Variants in GPR63 observed in about 807,000 individuals in gnomAD.
GPR63 encodes probable G protein-coupled receptor 63.
Under a neutral mutation model 23.1 loss-of-function variants are expected in GPR63, and 12 were observed. The observed-to-expected ratio is 0.52, with a 90% CI of 0.33 to 0.84. GPR63 has a LOEUF of 0.84. GPR63 is among the 40% of genes least tolerant of loss of function. The probability of loss-of-function intolerance (pLI) is 0.02; values close to 1 mark genes in which losing one functional copy is unlikely to be tolerated. For missense variants in GPR63, 472 were observed against 515.6 expected (o/e 0.92, Z 0.82); for synonymous variants, 172 against 191.1 (o/e 0.90, Z 0.82).
At chr6:96,824,621 C>A (rs1774392676) in intron 1 of GPR63, among the ~76,000 whole-genome samples, 2 of 145,756 alleles carry the variant, frequency 1.4e-5, no homozygotes, top group African/African-American at 2.6e-5. Flanking sequence ...TTAAAACCTG[C>A]ACTATTCATT....
chr6:96,808,797 T>A (rs1773966434), intron 1 of GPR63, among the ~76,000 whole-genome samples: 1 of 152,132 alleles, frequency 6.6e-6, no homozygotes, highest in Non-Finnish European at 1.5e-5. Context: ...TATGATACTT[T>A]AAGTTTTAGG....
intron 1 of GPR63, among the ~76,000 whole-genome samples, chr6:96,832,601 A>G (rs1239703298): frequency 6.6e-6 from 1 of 151,946 alleles, no homozygotes; most frequent in African/African-American, 2.4e-5. Flanking sequence ...AACAAGAAAA[A>G]CTTCTAAAGT....
At position 96,798,763 on chromosome 6, in the gene GPR63, G is replaced by A; in HGVS notation, c.969C>T (p.Phe323=). The A allele has an allele frequency of 1.2e-6, 2 of 1,614,186 alleles. No homozygotes were observed. Among genetic ancestry groups the A allele is most frequent in the Non-Finnish European group, 1.7e-6 (2 of 1,180,040 alleles). Residue 323 remains phenylalanine (F), a synonymous_variant, in exon 2 of 2, where the codon TTC becomes TTT. Transcript: ENST00000229955. ...FTTILILFAV[F]IVCWAPFTTY... ...TGGTGAATGGGGCCCAGCAGACAAT[G>A]AAGACAGCAAAGAGAATCAAAATAG...
intron 1 of GPR63, among the ~76,000 whole-genome samples, chr6:96,824,282 T>C (rs1774382789): frequency 6.6e-6 from 1 of 152,112 alleles, no homozygotes; most frequent in Non-Finnish European, 1.5e-5. Context: ...AAAAGTCTTC[T>C]AAAATCAAAT....
rs1484928464 is a variant in GPR63, at chr6:96,798,679, C to T, written c.1053G>A (p.Glu351=). ...AGAGCCACAGTAGCCAGGTGCTAAT[C>T]TCAAAAAAGTTGTGCTGATAGTAAA... The part of the protein sequence containing the change: ...KHFYYQHNFF[E]ISTWLLWLCY... The change falls in exon 2 of 2, where the codon GAG becomes GAA. Residue 351 remains glutamate (E), a synonymous_variant. Coordinates refer to ENST00000229955, the MANE Select transcript of GPR63 (RefSeq NM_030784.4). 6.2e-7 allele frequency: 1 copy of T among 1,614,154 alleles called. No homozygotes were observed. Among genetic ancestry groups the T allele is most frequent in the South Asian group, 1.1e-5 (1 of 91,082 alleles).
chr6:96,829,522 A>T (rs1774526451), intron 1 of GPR63, among the ~76,000 whole-genome samples: 1 of 151,536 alleles, frequency 6.6e-6, no homozygotes, highest in African/African-American at 2.4e-5. Context: ...GTGAGACTTC[A>T]TCTCTACAAA....
chr6:96,829,060 ATC>A (rs1328751645), intron 1 of GPR63, among the ~76,000 whole-genome samples: 3 of 152,234 alleles, frequency 2.0e-5, no homozygotes, highest in African/African-American at 7.2e-5. Context: ...CATAATTATA[ATC>A]TCTCAGTAAT....
In GPR63 at chr6:96,799,894, C is replaced by A. The variant is rs1773718109; in HGVS notation, c.-150-13G>T. On this transcript the variant is annotated splice_polypyrimidine_tract_variant and intron_variant, in intron 1 of 1. Transcript: ENST00000229955. ...AGAGTCCTTTTGCCTGAAAATAAAA[C>A]CAAAACACAAAAAGTAAATGAGAAA... 4.5e-6 allele frequency: 3 copies of A among 673,072 alleles called. No individual in the cohort carries two copies. The highest frequency in any genetic ancestry group is 2.8e-5 in the Admixed American group (1 of 35,196). 41.7% of individuals were successfully genotyped at this position (673,072 alleles called of 1,614,324 possible).
At chr6:96,831,536 T>A (rs1002448977) in intron 1 of GPR63, among the ~76,000 whole-genome samples, 1 of 152,050 alleles carries the variant, frequency 6.6e-6, no homozygotes, top group African/African-American at 2.4e-5. Context: ...ATGAAAAATA[T>A]CAATGCCCTT....
At chr6:96,802,826 AAC>A (rs1221599271) in intron 1 of GPR63, among the ~76,000 whole-genome samples, 1 of 152,148 alleles carries the variant, frequency 6.6e-6, no homozygotes, top group African/African-American at 2.4e-5. Context: ...AAGAAACCAG[AAC>A]AGAGAACAAT....
intron 1 of GPR63, among the ~76,000 whole-genome samples, chr6:96,809,632 T>A (rs1582256685): frequency 6.6e-6 from 1 of 152,218 alleles, no homozygotes; most frequent in East Asian, 1.9e-4. Context: ...AAATCCATAG[T>A]AACCCAGTAC....
chr6:96,821,274 C>T (rs1774306363), intron 1 of GPR63, among the ~76,000 whole-genome samples: 1 of 152,212 alleles, frequency 6.6e-6, no homozygotes, highest in Admixed American at 6.5e-5. Context: ...AAATCACATC[C>T]TCTACAACAC....
intron 1 of GPR63, among the ~76,000 whole-genome samples, chr6:96,820,161 T>A (rs1774277453): frequency 6.6e-6 from 1 of 152,064 alleles, no homozygotes; most frequent in Admixed American, 6.6e-5. Flanking sequence ...ATATTTGCTT[T>A]CAATGATCAT....
At chr6:96,821,969 A>C (rs553500535) in intron 1 of GPR63, among the ~76,000 whole-genome samples, 1 of 152,226 alleles carries the variant, frequency 6.6e-6, no homozygotes, top group African/African-American at 2.4e-5. Context: ...AGAACGTAGA[A>C]TCAGAAGACC....
chr6:96,830,342 A>G (rs1437357973), intron 1 of GPR63, among the ~76,000 whole-genome samples: 1 of 152,226 alleles, frequency 6.6e-6, no homozygotes, highest in Admixed American at 6.5e-5. Flanking sequence ...ATAAACAGTG[A>G]ACATCCACAA....
chr6:96,824,584 A>G (rs1355277759), intron 1 of GPR63, among the ~76,000 whole-genome samples: 1 of 145,994 alleles, frequency 6.8e-6, no homozygotes, highest in Non-Finnish European at 1.5e-5. Context: ...CACCAAAAAT[A>G]CGCCTTAGCA....
chr6:96,807,543 A>G (rs950613061), intron 1 of GPR63, among the ~76,000 whole-genome samples: 5 of 152,232 alleles, frequency 3.3e-5, no homozygotes, highest in Admixed American at 2.0e-4. Flanking sequence ...CAATATGTTT[A>G]GTATCCTGTG....
chr6:96,833,657 G>A (rs1171440401), intron 1 of GPR63, among the ~76,000 whole-genome samples: 1 of 152,094 alleles, frequency 6.6e-6, no homozygotes, highest in Non-Finnish European at 1.5e-5. Flanking sequence ...TTGAGAGAAA[G>A]AAGTTAACCA....
chr6:96,801,226 T>TC (rs1554190910), intron 1 of GPR63, among the ~76,000 whole-genome samples: 5 of 150,096 alleles, frequency 3.3e-5, no homozygotes, highest in African/African-American at 1.2e-4. Flanking sequence ...TTTTTTTTTT[T>TC]CCAGACAGAG....
Sources: allele counts gnomAD v4.1 joint callset (sites outside exome capture counted in the v4.1 genomes callset), GRCh38; gene constraint gnomAD v4.1.1; transcripts MANE v1.5; gene names NCBI Gene and HGNC (gene_info 2026-07-23, HGNC 2026-07-21).